The following TENM2 variants were observed in gnomAD, a reference collection of about 807,000 sequenced individuals.
TENM2 encodes the protein teneurin transmembrane protein 2, also known as teneurin-2.
A neutral mutation model predicts 245.2 loss-of-function variants in TENM2; 52 were observed. The ratio of observed to expected loss-of-function variants is 0.21; its 90% CI spans 0.17 to 0.27. TENM2 has a LOEUF of 0.27. Ranked by LOEUF, TENM2 falls within the 10% of genes least tolerant of loss-of-function variation. TENM2 has a pLI of 1.00. For missense variants in TENM2, 3,046 were observed against 3,666.8 expected (o/e 0.83, Z 4.37); for synonymous variants, 1,363 against 1,438.9 (o/e 0.95, Z 1.19).
At chr5:167,498,401 A>C (rs1185255234) in intron 2 of TENM2, among the ~76,000 whole-genome samples, 2 of 152,128 alleles carry the variant, frequency 1.3e-5, no homozygotes, top group African/African-American at 4.8e-5. Flanking sequence ...TACTATGCTC[A>C]GATTCTCAGG....
chr5:166,991,593 C>T, the TENM2 span, among the ~76,000 whole-genome samples: 1 of 151,994 alleles, frequency 6.6e-6, no homozygotes, highest in African/African-American at 2.4e-5. Context: ...AAGGAGCTGG[C>T]TATAATTTGC....
chr5:167,985,220 T>C (rs1193450811), intron 4 of TENM2, among the ~76,000 whole-genome samples: 1 of 152,218 alleles, frequency 6.6e-6, no homozygotes, highest in East Asian at 1.9e-4. Flanking sequence ...CTGGGGTGTT[T>C]CTGCCTCTAT....
chr5:167,608,562 T>C (rs186408487), intron 2 of TENM2, among the ~76,000 whole-genome samples: 1 of 152,218 alleles, frequency 6.6e-6, no homozygotes, highest in African/African-American at 2.4e-5. Flanking sequence ...GGGGGCACTT[T>C]CGGCAGCGCC....
chr5:168,029,410 T>C (rs1327645228), intron 5 of TENM2, among the ~76,000 whole-genome samples: 1 of 152,158 alleles, frequency 6.6e-6, no homozygotes, highest in African/African-American at 2.4e-5. Context: ...GATCCTATGC[T>C]AGTATGTAGC....
chr5:167,867,221 A>G (rs1417532308), intron 2 of TENM2, among the ~76,000 whole-genome samples: 1 of 152,222 alleles, frequency 6.6e-6, no homozygotes, highest in Non-Finnish European at 1.5e-5. Context: ...CCTCATGAAG[A>G]TGAAAGGGCT....
At chr5:167,131,433 A>G in the TENM2 span, among the ~76,000 whole-genome samples, 1 of 152,136 alleles carries the variant, frequency 6.6e-6, no homozygotes, top group Admixed American at 6.5e-5. Flanking sequence ...CTGTGTCCTA[A>G]TCCCTTTGAT....
chr5:168,153,737 G>A lies in TENM2; in HGVS notation c.2423-8874G>A, dbSNP rs574597962. 2.7e-3 allele frequency among the ~76,000 whole-genome samples: 413 copies of A among 152,256 alleles called. 6 individuals are homozygous for A. The highest frequency in any genetic ancestry group is 6.8e-3 in the Middle Eastern group (2 of 294). On this transcript the variant is annotated intron_variant, in intron 12 of 28. Coordinates refer to ENST00000518659, the Ensembl canonical transcript of TENM2. ...CCGGGGGCTTGTTATAAATGCAGAC[G>A]GCTGGGCCCCATCCCCAGAGGTTCT...
intron 4 of TENM2, among the ~76,000 whole-genome samples, chr5:167,971,843 A>G (rs529772992): frequency 1.3e-5 from 2 of 152,390 alleles, no homozygotes; most frequent in Admixed American, 6.5e-5. Flanking sequence ...ATCACCTAGT[A>G]TAGTCCAATG....
At chr5:167,127,710 G>C in the TENM2 span, among the ~76,000 whole-genome samples, 1 of 150,384 alleles carries the variant, frequency 6.6e-6, no homozygotes. Flanking sequence ...AGCTGCTTAC[G>C]TTCATTGGCA....
chr5:167,755,287 T>C, intron 2 of TENM2: 1 of 880,600 alleles, frequency 1.1e-6, no homozygotes, highest in East Asian at 2.6e-5. Context: ...CTTCAGCGGA[T>C]ACCAAGGGAG....
At chr5:167,671,865 A>G (rs995730065) in intron 2 of TENM2, among the ~76,000 whole-genome samples, 6 of 151,858 alleles carry the variant, frequency 4.0e-5, no homozygotes, top group Admixed American at 3.9e-4. Context: ...TCTGCTTGTA[A>G]TATGGAAGTT....
At chr5:167,124,388 A>G in the TENM2 span, among the ~76,000 whole-genome samples, 7 of 152,160 alleles carry the variant, frequency 4.6e-5, no homozygotes, top group Non-Finnish European at 8.8e-5. Flanking sequence ...GTAATTATTT[A>G]TGGATTCATC....
At chr5:167,814,393 C>T (rs1766871988) in intron 2 of TENM2, among the ~76,000 whole-genome samples, 1 of 145,326 alleles carries the variant, frequency 6.9e-6, no homozygotes, top group African/African-American at 2.6e-5. Context: ...TTCCTGGTGA[C>T]GTTTCACTCA....
chr5:167,353,249 C>G (rs1464672990), intron 1 of TENM2, among the ~76,000 whole-genome samples: 1 of 145,216 alleles, frequency 6.9e-6, no homozygotes, highest in Non-Finnish European at 1.5e-5. Context: ...TTTATATAAA[C>G]TATAAAAAAG....
intron 2 of TENM2, among the ~76,000 whole-genome samples, chr5:167,451,465 G>A (rs560205980): frequency 6.6e-6 from 1 of 152,290 alleles, no homozygotes; most frequent in Non-Finnish European, 1.5e-5. Flanking sequence ...TTATCTGGGT[G>A]AAGGACCAGT....
intron 2 of TENM2, among the ~76,000 whole-genome samples, chr5:167,451,112 T>G (rs574238247): frequency 2.4e-4 from 36 of 152,350 alleles, no homozygotes; most frequent in African/African-American, 8.2e-4. Context: ...GAAGATGTAC[T>G]TGGTAACAGA....
intron 3 of TENM2, among the ~76,000 whole-genome samples, chr5:167,928,978 A>G (rs536066324): frequency 2.5e-4 from 36 of 146,904 alleles, no homozygotes; most frequent in African/African-American, 9.0e-4. Context: ...GGGAGGAAGG[A>G]AGGGAGGGAG....
At chr5:167,385,815 T>C (rs73369779) in intron 2 of TENM2, among the ~76,000 whole-genome samples, 4,598 of 151,746 alleles carry the variant, frequency 0.03, 185 homozygotes, top group African/African-American at 0.099. Context: ...AGCTATTAAT[T>C]CATTCCTTTT....
chr5:167,806,385 G>A (rs1237472907), intron 2 of TENM2, among the ~76,000 whole-genome samples: 2 of 151,842 alleles, frequency 1.3e-5, no homozygotes, highest in African/African-American at 4.8e-5. Context: ...CTCAACTAAG[G>A]TCACATTTAA....
Sources: gnomAD v4.1 joint callset for allele counts (sites outside exome capture counted in the v4.1 genomes callset) on GRCh38, gnomAD v4.1.1 for gene constraint, MANE v1.5 for transcripts, NCBI Gene and HGNC (gene_info 2026-07-23, HGNC 2026-07-21) for gene names.